SPG11: variants seen among roughly 807,000 people sequenced by gnomAD.
The protein encoded by SPG11 is SPG11 vesicle trafficking associated, spatacsin.
In SPG11, 222 loss-of-function variants were observed where a neutral mutation model predicts 274.0. The ratio of observed to expected loss-of-function variants is 0.81; its 90% CI spans 0.73 to 0.91. The LOEUF (loss-of-function observed/expected upper bound fraction) is 0.91. Ranked by LOEUF, SPG11 falls within the 40% of genes least tolerant of loss-of-function variation. SPG11 has a pLI of 0.00. For synonymous variants in SPG11, 1,144 were observed against 1,039.7 expected (o/e 1.10, Z -1.93); for missense variants, 3,114 against 2,872.7 (o/e 1.08, Z -1.92).
intron 8 of SPG11, among the ~76,000 whole-genome samples, chr15:44,633,124 A>G (rs1389425127): frequency 6.6e-6 from 1 of 151,798 alleles, no homozygotes; most frequent in Non-Finnish European, 1.5e-5. Context: ...GGATTGTTTG[A>G]GCCCAGGAGT....
intron 38 of SPG11, among the ~76,000 whole-genome samples, chr15:44,564,899 T>C (rs1230939274): frequency 6.6e-6 from 1 of 152,138 alleles, no homozygotes; most frequent in Non-Finnish European, 1.5e-5. Context: ...AATCCCCAAA[T>C]TATCTTAAAC....
In SPG11 at chr15:44,657,152, G is replaced by A. The variant is rs2141120840; in HGVS notation, c.812C>T (p.Ala271Val). 1 of 1,614,184 alleles carries A rather than the reference G, an allele frequency of 6.2e-7. No individual in the cohort carries two copies. The highest frequency in any genetic ancestry group is 1.1e-5 in the South Asian group (1 of 91,084). The change falls in exon 4 of 40, where the codon GCA becomes GTA. Residue 271 changes from alanine (A) to valine (V), a missense_variant. Coordinates refer to ENST00000261866, the MANE Select transcript of SPG11 (RefSeq NM_025137.4). ...SLKVSQDLDV[A>V]VIVSSSNSAV... Reference sequence around the variant, plus strand: ...GGAGTTGGAGGAGCTGACAATCACTGCAACATCGAGGTCTTGAGAAACTTT... The same window carrying A: ...GGAGTTGGAGGAGCTGACAATCACTACAACATCGAGGTCTTGAGAAACTTT...
At chr15:44,611,809 C>CT (rs71111871) in intron 17 of SPG11, among the ~76,000 whole-genome samples, 111,510 of 119,348 alleles carry the variant, frequency 0.93, 52,643 homozygotes, top group East Asian at 0.99. Flanking sequence ...TGGTCACTGT[C>CT]TTTTTTTTTT....
intron 19 of SPG11, among the ~76,000 whole-genome samples, chr15:44,606,894 C>T (rs1183100937): frequency 6.6e-6 from 1 of 152,164 alleles, no homozygotes; most frequent in Non-Finnish European, 1.5e-5. Flanking sequence ...AACTACTTTA[C>T]GTAGTGAAAC....
At chr15:44,613,604 C>T (rs1255817174) in intron 16 of SPG11, 68 bp from the exon 17 acceptor site, 2 of 1,031,624 alleles carry the variant, frequency 1.9e-6, no homozygotes, top group African/African-American at 3.2e-5. Context: ...AACCATTTTG[C>T]TCAGGCGATG....
intron 7 of SPG11, among the ~76,000 whole-genome samples, chr15:44,646,542 G>A (rs1016386339): frequency 4.6e-5 from 7 of 152,112 alleles, no homozygotes; most frequent in African/African-American, 1.7e-4. Flanking sequence ...TTGACACATG[G>A]GGATTACAAT....
intron 14 of SPG11, chr15:44,620,900 T>C (rs567235158): frequency 4.3e-4 from 69 of 158,910 alleles, no homozygotes; most frequent in Non-Finnish European, 5.3e-4. Context: ...GGTTTCACAA[T>C]GTTGGCCAAG....
intron 18 of SPG11, among the ~76,000 whole-genome samples, chr15:44,609,456 A>C (rs957101508): frequency 5.3e-5 from 8 of 151,872 alleles, no homozygotes; most frequent in Non-Finnish European, 7.4e-5. Context: ...ATTTCCCTCT[A>C]AACAGGCCAC....
chr15:44,640,451 T>C (rs368612344), intron 7 of SPG11, among the ~76,000 whole-genome samples: 7 of 152,192 alleles, frequency 4.6e-5, no homozygotes, highest in East Asian at 1.9e-4. Flanking sequence ...ACTTGATATA[T>C]AGATTTAATG....
At position 44,573,699 on chromosome 15, in the gene SPG11, G is replaced by C; in HGVS notation, c.6053C>G (p.Ala2018Gly). The C allele has an allele frequency of 1.2e-6, 2 of 1,614,202 alleles. No individual in the cohort carries two copies. The highest frequency in any genetic ancestry group is 1.7e-6 in the Non-Finnish European group (2 of 1,180,038). The part of the protein sequence containing the change: ...YTDVAAQDGE[A>G]MLRKILASQQ... ...AGAGGCCAAGATTTTCCGGAGCATG[G>C]CTTCACCATCCTGAGCAGCAACATC... is the stretch of plus-strand genomic sequence containing the variant. The change falls in exon 32 of 40, where the codon GCC (alanine) becomes GGC (glycine). Residue 2018 changes from alanine (A) to glycine (G), a missense_variant. Coordinates refer to ENST00000261866, the MANE Select transcript of SPG11 (RefSeq NM_025137.4).
At position 44,596,258 on chromosome 15, in the gene SPG11, C is replaced by T; in HGVS notation, c.4259G>A (p.Ser1420Asn). 1.2e-6 allele frequency: 2 copies of T among 1,614,176 alleles called. No homozygotes were observed. The highest frequency in any genetic ancestry group is 1.7e-6 in the Non-Finnish European group (2 of 1,180,024). The change falls in exon 25 of 40, where the codon AGC becomes AAC. Residue 1420 changes from serine (S) to asparagine (N), a missense_variant. Physicochemically the swap from Ser to Asn is conservative, Grantham distance 46. Transcript: ENST00000261866. Reference protein sequence around the residue: ...LPSVPTSKMDSDQVCNKCPQE... With the variant: ...LPSVPTSKMDNDQVCNKCPQE... Reference sequence around the variant, plus strand: ...GGGGCACTTATTGCAGACTTGATCGCTGTCCATTTTGGAGGTGGGCACTGA... The same window carrying T: ...GGGGCACTTATTGCAGACTTGATCGTTGTCCATTTTGGAGGTGGGCACTGA...
rs1331704584 is a variant in SPG11 at position 44,565,986 on chromosome 15, C to CTGG, written c.6864_6866dup (p.Ala2288_Gln2289insHis). ...TCAACTTGGTGAGCCGCTGACAGTG[C>CTGG]TGGGCCTGTCGCACACAGGAGTCCT... On this transcript the variant is annotated inframe_insertion, in exon 38 of 40. Transcript: ENST00000261866. 2.6e-5 allele frequency: 42 copies of CTGG among 1,613,740 alleles called. No homozygotes were observed. Among genetic ancestry groups the CTGG allele is most frequent in the Non-Finnish European group, 3.5e-5 (41 of 1,180,036 alleles).
intron 30 of SPG11, chr15:44,575,332 G>A (rs1260766121): frequency 2.7e-5 from 10 of 376,424 alleles, no homozygotes; most frequent in Admixed American, 1.4e-4. Context: ...TTCTCTATAT[G>A]TCCTCCCTCC....
intron 1 of SPG11, among the ~76,000 whole-genome samples, chr15:44,661,902 T>G (rs1316194839): frequency 6.6e-6 from 1 of 152,230 alleles, no homozygotes; most frequent in Non-Finnish European, 1.5e-5. Context: ...GTATTTTAAC[T>G]GAATTAAAAT....
chr15:44,567,332 A>G, intron 36 of SPG11, 92 bp downstream of exon 36: 3 of 1,406,812 alleles, frequency 2.1e-6, no homozygotes, highest in Non-Finnish European at 2.9e-6. Context: ...GCCTGGGGAC[A>G]GAGCGAGACT....
intron 26 of SPG11, among the ~76,000 whole-genome samples, chr15:44,594,652 A>C (rs992247275): frequency 1.3e-5 from 2 of 148,926 alleles, no homozygotes; most frequent in Admixed American, 6.8e-5. Context: ...TTTCCTAGCC[A>C]TCTGGGAGGC....
chr15:44,639,062 C>G lies in SPG11; in HGVS notation c.1603-5425G>C, dbSNP rs142274977. Among the ~76,000 whole-genome samples, 950 of 151,782 alleles carry G rather than the reference C, an allele frequency of 6.3e-3. 9 individuals are homozygous for G. The highest frequency in any genetic ancestry group is 0.021 in the African/African-American group (877 of 41,364). On this transcript the variant is annotated intron_variant, in intron 7 of 39. Coordinates refer to ENST00000261866, the MANE Select transcript of SPG11 (RefSeq NM_025137.4). ...ACTGTATCCTGCGTATTTTTTTACA[C>G]ATTGTATTTTACAATACAAAAATAA...
At position 44,594,595 on chromosome 15, in the gene SPG11, C is replaced by CG. The variant is rs1467886105; in HGVS notation, c.4635+663dup. 3.9e-5 allele frequency among the ~76,000 whole-genome samples: 3 copies of CG among 76,346 alleles called. No homozygotes were observed. The East Asian group carries it at 1.2e-3, about 30-fold the overall frequency. The allele number at this position is 76,346 out of a possible 152,430, so 50.1% of individuals were successfully genotyped here. ...CAAAACCCTGTCTCTATTAAAAATG[C>CG]GAAAAAAAAAAAAAAAAAAAAGCCA... On this transcript the variant is annotated intron_variant, in intron 26 of 39. Coordinates refer to ENST00000261866, the MANE Select transcript of SPG11 (RefSeq NM_025137.4).
At chr15:44,651,375 T>G in intron 6 of SPG11, 116 bp downstream of exon 6, 1 of 890,618 alleles carries the variant, frequency 1.1e-6, no homozygotes, top group East Asian at 2.6e-5. Context: ...AAACTTCCTC[T>G]ATAAACAATT....
Sources: gnomAD v4.1 joint callset for allele counts (sites outside exome capture counted in the v4.1 genomes callset) on GRCh38, gnomAD v4.1.1 for gene constraint, MANE v1.5 for transcripts, NCBI Gene and HGNC (gene_info 2026-07-23, HGNC 2026-07-21) for gene names.